The following NKAIN3 variants were observed in gnomAD, a reference collection of about 807,000 sequenced individuals.
NKAIN3 encodes the protein sodium/potassium transporting ATPase interacting 3.
In NKAIN3, 25 loss-of-function variants were observed where a neutral mutation model predicts 30.2. That is an observed-to-expected ratio of 0.83 (90% CI 0.60 to 1.16). The LOEUF (loss-of-function observed/expected upper bound fraction) is 1.16. Ranked by LOEUF, NKAIN3 falls within the 50% of genes most tolerant of loss-of-function variation. The pLI is 0.00. For missense variants in NKAIN3, 225 were observed against 254.1 expected, an observed-to-expected ratio of 0.89 and a Z score of 0.78; for synonymous variants, 91 against 89.6, an observed-to-expected ratio of 1.02 and a Z score of -0.09.
At chr8:62,478,744 C>G (rs1051962023) in intron 1 of NKAIN3, among the ~76,000 whole-genome samples, 8 of 152,084 alleles carry the variant, frequency 5.3e-5, no homozygotes, top group Admixed American at 1.3e-4. Flanking sequence ...ACCAAATAAA[C>G]CAGATGATCA....
chr8:62,918,990 A>C (rs1217682610), intron 5 of NKAIN3, among the ~76,000 whole-genome samples: 2 of 135,234 alleles, frequency 1.5e-5, no homozygotes, highest in Admixed American at 7.1e-5. Context: ...GATGAGATGC[A>C]AAAAAAAAAA....
At chr8:62,769,932 A>G (rs2130633766) in intron 4 of NKAIN3, among the ~76,000 whole-genome samples, 1 of 152,330 alleles carries the variant, frequency 6.6e-6, no homozygotes, top group Middle Eastern at 3.4e-3. Flanking sequence ...ATGGAACCTA[A>G]GATAACTCAA....
chr8:62,530,253 C>A (rs1260105043), intron 1 of NKAIN3, among the ~76,000 whole-genome samples: 1 of 151,904 alleles, frequency 6.6e-6, no homozygotes, highest in East Asian at 1.9e-4. Flanking sequence ...GTTTCAAAAT[C>A]TTTAGCAAGA....
In NKAIN3 at chr8:62,972,315, A is replaced by G. The variant is rs1445472783; in HGVS notation, c.*6908A>G. ...GTGGAATGAGTATTCAAATTGTCCA[A>G]AAAAATATACAAGTGAGGGAATTAA... On this transcript the variant is annotated 3_prime_UTR_variant, in exon 7 of 7. Coordinates refer to ENST00000623646, the MANE Select transcript of NKAIN3 (RefSeq NM_001304533.3). 1.3e-5 allele frequency among the ~76,000 whole-genome samples: 2 copies of G among 152,148 alleles called. No individual in the cohort carries two copies. Among genetic ancestry groups the G allele is most frequent in the Admixed American group, 6.5e-5 (1 of 15,272 alleles).
chr8:62,318,008 G>A (rs1030303018), intron 1 of NKAIN3, among the ~76,000 whole-genome samples: 1 of 152,144 alleles, frequency 6.6e-6, no homozygotes, highest in African/African-American at 2.4e-5. Flanking sequence ...TTGTAAGTTG[G>A]ATTCCTAGGT....
chr8:62,687,478 G>A (rs186232552), intron 3 of NKAIN3, among the ~76,000 whole-genome samples: 1 of 152,270 alleles, frequency 6.6e-6, no homozygotes, highest in Admixed American at 6.5e-5. Flanking sequence ...CTTTGACTGT[G>A]TCTGCCTAGA....
chr8:62,321,664 G>A (rs1194589410), intron 1 of NKAIN3, among the ~76,000 whole-genome samples: 1 of 152,222 alleles, frequency 6.6e-6, no homozygotes, highest in Non-Finnish European at 1.5e-5. Flanking sequence ...AACAGCAAAT[G>A]TTGCTGCCTG....
At chr8:62,950,093 A>G (rs1283757526) in intron 5 of NKAIN3, among the ~76,000 whole-genome samples, 1 of 152,236 alleles carries the variant, frequency 6.6e-6, no homozygotes, top group African/African-American at 2.4e-5. Context: ...TTATCAGTGT[A>G]ATATGACTGC....
At chr8:62,372,593 G>A (rs1429934416) in intron 1 of NKAIN3, among the ~76,000 whole-genome samples, 1 of 151,738 alleles carries the variant, frequency 6.6e-6, no homozygotes, top group Non-Finnish European at 1.5e-5. Flanking sequence ...TTTAACTATG[G>A]GTATACTTCC....
At chr8:62,418,083 T>A (rs894469240) in intron 1 of NKAIN3, among the ~76,000 whole-genome samples, 1 of 152,140 alleles carries the variant, frequency 6.6e-6, no homozygotes, top group Non-Finnish European at 1.5e-5. Context: ...ACAGCCCTGA[T>A]TGAGGTGCAT....
chr8:62,814,427 C>T (rs1049419477), intron 4 of NKAIN3, among the ~76,000 whole-genome samples: 10 of 151,888 alleles, frequency 6.6e-5, no homozygotes, highest in African/African-American at 1.9e-4. Flanking sequence ...ACAGAATATA[C>T]ATTTTTTTCA....
At chr8:62,429,366 A>T (rs552284302) in intron 1 of NKAIN3, among the ~76,000 whole-genome samples, 1 of 151,898 alleles carries the variant, frequency 6.6e-6, no homozygotes, top group African/African-American at 2.4e-5. Context: ...TTGAATGTTC[A>T]TATGGTTTTT....
At chr8:62,868,230 C>T (rs1460467686) in intron 4 of NKAIN3, among the ~76,000 whole-genome samples, 1 of 152,164 alleles carries the variant, frequency 6.6e-6, no homozygotes, top group Non-Finnish European at 1.5e-5. Flanking sequence ...AAATAACCCT[C>T]TATGGTGAGG....
intron 4 of NKAIN3, among the ~76,000 whole-genome samples, chr8:62,844,685 A>G (rs1315862749): frequency 1.3e-5 from 2 of 152,176 alleles, no homozygotes; most frequent in Non-Finnish European, 1.5e-5. Context: ...AAAATGCTGT[A>G]CATTAGAATT....
intron 3 of NKAIN3, among the ~76,000 whole-genome samples, chr8:62,670,926 C>T (rs952506543): frequency 4.1e-5 from 6 of 147,452 alleles, no homozygotes. Context: ...CACACGTATA[C>T]ACAGGCAAAA....
chr8:62,329,584 A>G (rs1815270282), intron 1 of NKAIN3, among the ~76,000 whole-genome samples: 1 of 152,158 alleles, frequency 6.6e-6, no homozygotes, highest in South Asian at 2.1e-4. Context: ...AAGTGAGAAC[A>G]TGTGGCAGTT....
At chr8:62,336,951 G>T (rs1178830864) in intron 1 of NKAIN3, among the ~76,000 whole-genome samples, 1 of 152,078 alleles carries the variant, frequency 6.6e-6, no homozygotes, top group Non-Finnish European at 1.5e-5. Context: ...TGCTCAGTCT[G>T]CTAGTACCTG....
At chr8:62,424,261 T>G (rs2129597016) in intron 1 of NKAIN3, among the ~76,000 whole-genome samples, 1 of 152,028 alleles carries the variant, frequency 6.6e-6, no homozygotes, top group South Asian at 2.1e-4. Context: ...TAGGCAAAAA[T>G]TTCTTGGATA....
intron 3 of NKAIN3, among the ~76,000 whole-genome samples, chr8:62,698,054 T>C (rs919219364): frequency 6.6e-6 from 1 of 151,570 alleles, no homozygotes; most frequent in Non-Finnish European, 1.5e-5. Context: ...GAAAACATAA[T>C]GTAATAAAAT....
Sources: allele counts gnomAD v4.1 joint callset (sites outside exome capture counted in the v4.1 genomes callset), GRCh38; gene constraint gnomAD v4.1.1; transcripts MANE v1.5; gene names NCBI Gene and HGNC (gene_info 2026-07-23, HGNC 2026-07-21).